The following NLN variants were observed in gnomAD, a reference collection of about 807,000 sequenced individuals.
The protein encoded by NLN is neurolysin.
NLN carries 64 observed loss-of-function variants against 79.9 expected under a neutral mutation model. That is an observed-to-expected ratio of 0.80 (90% confidence interval 0.65 to 0.99). The LOEUF (loss-of-function observed/expected upper bound fraction) is 0.99. Among genes scored for constraint, NLN ranks in the 50% least tolerant of loss-of-function variants. NLN has a pLI of 0.00. For synonymous variants in NLN, 267 were observed against 296.6 expected (o/e 0.90, Z 1.02); for missense variants, 835 against 858.7 (o/e 0.97, Z 0.34).
intron 6 of NLN, among the ~76,000 whole-genome samples, 170 bp from the exon 7 acceptor site, chr5:65,785,605 C>CAA (rs111882029): frequency 8.8e-4 from 68 of 76,902 alleles, no homozygotes; most frequent in Non-Finnish European, 1.8e-3. Flanking sequence ...ATCATGAATC[C>CAA]AAAAAAAAAA....
rs759156740 is a variant in NLN at position 65,777,582 on chromosome 5, A to T, written c.558+48A>T. 1.1e-5 allele frequency: 13 copies of T among 1,230,944 alleles called. No homozygotes were observed. The Admixed American group carries it at 2.4e-4, about 23-fold the overall frequency. The allele number at this position is 1,230,944 out of a possible 1,614,324, so 76.3% of individuals were successfully genotyped here. A position where few individuals can be genotyped will look rare whatever the true frequency, so the allele number is the denominator to read the frequency against. ...TATCAGAAAAAAAAAATGAATAAAT[A>T]AAACAAAATACTGGTTGAACATCCC... On this transcript the variant is annotated intron_variant, in intron 4 of 12. Transcript: ENST00000380985.
chr5:65,809,211 A>C (rs1760487454), intron 9 of NLN: 1 of 231,714 alleles, frequency 4.3e-6, no homozygotes, highest in Non-Finnish European at 8.3e-6. Flanking sequence ...TCAAAGCTTA[A>C]GGCTTGTTTT....
intron 12 of NLN, among the ~76,000 whole-genome samples, chr5:65,821,427 G>A (rs988001898): frequency 3.9e-5 from 6 of 152,116 alleles, no homozygotes; most frequent in Admixed American, 6.6e-5. Flanking sequence ...TAAAAAACAC[G>A]TTGGATTTTG....
At chr5:65,799,013 C>G (rs1760226204) in intron 9 of NLN, among the ~76,000 whole-genome samples, 1 of 152,096 alleles carries the variant, frequency 6.6e-6, no homozygotes, top group African/African-American at 2.4e-5. Flanking sequence ...TCCTAAGTAG[C>G]TGGGACCACA....
chr5:65,766,387 G>A (rs1370786796), intron 3 of NLN, among the ~76,000 whole-genome samples: 1 of 152,158 alleles, frequency 6.6e-6, no homozygotes, highest in African/African-American at 2.4e-5. Flanking sequence ...AGAGAGCACA[G>A]GGGAAGCACC....
At chr5:65,750,209 A>G (rs1413258288) in intron 1 of NLN, among the ~76,000 whole-genome samples, 2 of 152,216 alleles carry the variant, frequency 1.3e-5, no homozygotes, top group African/African-American at 2.4e-5. Context: ...AACATTCTCT[A>G]TCTGTGCTGT....
At chr5:65,748,395 A>C (rs1453238143) in intron 1 of NLN, among the ~76,000 whole-genome samples, 1 of 152,188 alleles carries the variant, frequency 6.6e-6, no homozygotes, top group Non-Finnish European at 1.5e-5. Flanking sequence ...TGACTTTATC[A>C]TTTCTGAGGA....
chr5:65,825,724 G>A lies in NLN; in HGVS notation c.*2809G>A, dbSNP rs2150781766. 1 of 152,258 alleles carries A rather than the reference G, an allele frequency of 6.6e-6. No homozygotes were observed. Among genetic ancestry groups the A allele is most frequent in the South Asian group, 2.1e-4 (1 of 4,822 alleles). 9.4% of individuals were successfully genotyped at this position (152,258 alleles called of 1,614,324 possible). ...GCATTGTGGGAGATACCAAAATTGA[G>A]GAAATAGCTCTTCAAAGAAAAATTA... On this transcript the variant is annotated 3_prime_UTR_variant, in exon 13 of 13. Coordinates refer to ENST00000380985, the MANE Select transcript of NLN (RefSeq NM_020726.5).
chr5:65,722,863 T>G (rs1758350111), intron 1 of NLN: 1 of 157,840 alleles, frequency 6.3e-6, no homozygotes, highest in Non-Finnish European at 1.4e-5. Flanking sequence ...TGAAACCTCT[T>G]TGGTGGTGTT....
chr5:65,733,483 G>A, intron 1 of NLN: 2 of 1,388,040 alleles, frequency 1.4e-6, no homozygotes, highest in Non-Finnish European at 1.0e-6. Context: ...CATCTGGAGA[G>A]TCTTGACAAC....
At chr5:65,722,497 C>T in intron 1 of NLN, 83 bp downstream of exon 1, 1 of 1,259,664 alleles carries the variant, frequency 7.9e-7, no homozygotes. Flanking sequence ...GGACCCACCC[C>T]TTCCCGACCG....
intron 9 of NLN, among the ~76,000 whole-genome samples, chr5:65,797,546 G>A (rs996527937): frequency 2.0e-5 from 3 of 152,118 alleles, no homozygotes; most frequent in African/African-American, 7.2e-5. Flanking sequence ...GTATGACTTG[G>A]GGACAGTTAT....
intron 1 of NLN, among the ~76,000 whole-genome samples, chr5:65,744,794 G>A (rs982966791): frequency 1.3e-5 from 2 of 152,112 alleles, no homozygotes; most frequent in African/African-American, 4.8e-5. Context: ...AGAATCACTT[G>A]AACCTGGGAG....
intron 9 of NLN, among the ~76,000 whole-genome samples, chr5:65,805,832 G>C (rs1300381979): frequency 6.6e-6 from 1 of 152,236 alleles, no homozygotes; most frequent in African/African-American, 2.4e-5. Flanking sequence ...AGGAATGCTA[G>C]AGAGATGTCA....
At chr5:65,820,412 A>C (rs1475324224) in intron 12 of NLN, among the ~76,000 whole-genome samples, 1 of 152,162 alleles carries the variant, frequency 6.6e-6, no homozygotes, top group Admixed American at 6.5e-5. Flanking sequence ...AAAATGTTTA[A>C]AATATTTTTG....
intron 9 of NLN, among the ~76,000 whole-genome samples, chr5:65,800,257 A>G (rs750328858): frequency 6.6e-6 from 1 of 152,252 alleles, no homozygotes; most frequent in Non-Finnish European, 1.5e-5. Flanking sequence ...GCTTCAATTT[A>G]TATGATTCTG....
chr5:65,816,877 C>T (rs2150777336), intron 12 of NLN, among the ~76,000 whole-genome samples: 1 of 152,206 alleles, frequency 6.6e-6, no homozygotes, highest in East Asian at 1.9e-4. Flanking sequence ...GCGGGATGGC[C>T]CTTCAAAGCG....
chr5:65,796,223 G>A (rs1760170977), intron 9 of NLN, among the ~76,000 whole-genome samples: 2 of 152,124 alleles, frequency 1.3e-5, no homozygotes, highest in Non-Finnish European at 2.9e-5. Flanking sequence ...TGCTCTTGAT[G>A]CATGTTCGTT....
At chr5:65,748,005 A>T (rs1478780434) in intron 1 of NLN, among the ~76,000 whole-genome samples, 4 of 152,142 alleles carry the variant, frequency 2.6e-5, no homozygotes, top group African/African-American at 9.7e-5. Flanking sequence ...GTTCAAGACC[A>T]GCCTGGTCAA....
Sources: allele counts gnomAD v4.1 joint callset (sites outside exome capture counted in the v4.1 genomes callset), GRCh38; gene constraint gnomAD v4.1.1; transcripts MANE v1.5; gene names NCBI Gene and HGNC (gene_info 2026-07-23, HGNC 2026-07-21).